The following SYT13 variants were observed in gnomAD, a reference collection of about 807,000 sequenced individuals.
SYT13 encodes synaptotagmin-13.
A neutral mutation model predicts 38.6 loss-of-function variants in SYT13; 21 were observed. That is an observed-to-expected ratio of 0.54 (90% CI 0.39 to 0.78). The LOEUF (loss-of-function observed/expected upper bound fraction) is 0.78, where lower values mean the gene tolerates loss of function less well. SYT13 is among the 30% of genes least tolerant of loss of function. The probability of loss-of-function intolerance (pLI) is 0.00; values close to 1 mark genes in which losing one functional copy is unlikely to be tolerated. For missense variants in SYT13, 495 were observed against 548.7 expected (o/e 0.90, Z 0.98); for synonymous variants, 241 against 237.6 (o/e 1.01, Z -0.13).
intron 3 of SYT13, among the ~76,000 whole-genome samples, chr11:45,253,698 C>T (rs1463196774): frequency 6.6e-6 from 1 of 152,166 alleles, no homozygotes; most frequent in Non-Finnish European, 1.5e-5. Flanking sequence ...TCTGACCATT[C>T]GGAACATGCT....
At chr11:45,272,636 A>T (rs79043853) in intron 1 of SYT13, among the ~76,000 whole-genome samples, 2,855 of 152,334 alleles carry the variant, frequency 0.019, 72 homozygotes, top group African/African-American at 0.059. Flanking sequence ...ACAATCAAAC[A>T]GTCTACAAAA....
intron 1 of SYT13, among the ~76,000 whole-genome samples, chr11:45,270,256 T>G (rs916402359): frequency 1.3e-5 from 2 of 152,234 alleles, no homozygotes; most frequent in African/African-American, 4.8e-5. Flanking sequence ...TTCTGTCAGA[T>G]AGGAACACAA....
rs1276290222 is a variant in SYT13, at chr11:45,246,501, T to A, written c.858A>T (p.Ala286=). 5.0e-6 allele frequency: 8 copies of A among 1,613,944 alleles called. 1 individual carries two copies. The Admixed American group carries it at 6.7e-5, about 13-fold the overall frequency. ...ELKTSAKEPS[A]GAGEVLLSIS... is the part of the protein sequence containing the mutation. ...TGGATAGTAGGACCTCTCCAGCTCC[T>A]GCAGATGGCTCCTGAAACAGAAAAG... is the stretch of plus-strand genomic sequence containing the variant. The change falls in exon 5 of 6, where the codon GCA becomes GCT. Residue 286 remains alanine (A), a synonymous_variant. Transcript: ENST00000020926.
intron 1 of SYT13, among the ~76,000 whole-genome samples, chr11:45,283,155 A>T (rs1855094192): frequency 6.6e-6 from 1 of 152,156 alleles, no homozygotes; most frequent in South Asian, 2.1e-4. Flanking sequence ...GTAAAAAATA[A>T]ACAAAACTCC....
At chr11:45,280,224 G>A (rs1165963372) in intron 1 of SYT13, among the ~76,000 whole-genome samples, 1 of 152,194 alleles carries the variant, frequency 6.6e-6, no homozygotes, top group Non-Finnish European at 1.5e-5. Flanking sequence ...CTAAGGAAGA[G>A]GAGAAGAGGT....
Position 45,286,154 on chromosome 11 carries a change from G to T in SYT13, c.54C>A (p.Thr18=). 6.3e-7 allele frequency: 1 copy of T among 1,590,916 alleles called. No individual in the cohort carries two copies. Among genetic ancestry groups the T allele is most frequent in the Non-Finnish European group, 8.5e-7 (1 of 1,171,694 alleles). ...TGACCCCGCACAACGCGAGGATGCT[G>T]GTGGCTGTGCCCAGCGTGGCGCCCA... ...IALGATLGTA[T]SILALCGVTC... The change falls in exon 1 of 6, where the codon ACC becomes ACA. Residue 18 remains threonine (T), a synonymous_variant. Transcript: ENST00000020926.
Position 45,286,011 on chromosome 11 carries a change from C to G in SYT13, c.183+14G>C, listed in dbSNP as rs1310160772. ...GCCTTGCCCGGGAAGGGCCTGCGCG[C>G]CGCCCCCGCTCACCTGTTGTGCAGA... On this transcript the variant is annotated intron_variant, in intron 1 of 5. Coordinates refer to ENST00000020926, the MANE Select transcript of SYT13 (RefSeq NM_020826.3). 1 of 1,601,124 alleles carries G rather than the reference C, an allele frequency of 6.2e-7. No individual in the cohort carries two copies. Among genetic ancestry groups the G allele is most frequent in the Non-Finnish European group, 8.5e-7 (1 of 1,178,190 alleles).
rs1186074397 is a variant in SYT13, at chr11:45,252,474, T to C, written c.793A>G (p.Thr265Ala). Residue 265 changes from threonine to alanine, a missense_variant, in exon 4 of 6, where the codon ACA becomes GCA. By Grantham distance (58) the Thr-to-Ala change is moderately conservative. Transcript: ENST00000020926. This position sits in a 1 kb window ranked among gnomAD's most constrained non-coding sequence, Gnocchi z 4.3. Reference protein sequence around the residue: ...AGELRLGLDGTSVPLGAAQWG... With the variant: ...AGELRLGLDGASVPLGAAQWG... ...TGGGCAGCCCCTAGAGGCACAGATG[T>C]CCCGTCCAGGCCCAGGCGGAGCTCC... is the stretch of plus-strand genomic sequence containing the variant. 1.2e-6 allele frequency: 2 copies of C among 1,612,344 alleles called. No individual in the cohort carries two copies. Among genetic ancestry groups the C allele is most frequent in the East Asian group, 4.5e-5 (2 of 44,848 alleles).
chr11:45,282,073 T>A (rs1008757223), intron 1 of SYT13, among the ~76,000 whole-genome samples: 2 of 152,132 alleles, frequency 1.3e-5, no homozygotes, highest in African/African-American at 4.8e-5. Flanking sequence ...CAGGAACCCA[T>A]GGGTCTGGCC....
chr11:45,269,491 T>C, intron 1 of SYT13: 1 of 1,287,042 alleles, frequency 7.8e-7, no homozygotes, highest in South Asian at 1.2e-5. Flanking sequence ...TCTGTAAACT[T>C]CATATGTAAC....
At chr11:45,261,658 A>G (rs961858618) in intron 1 of SYT13, among the ~76,000 whole-genome samples, 1 of 151,130 alleles carries the variant, frequency 6.6e-6, no homozygotes, top group South Asian at 2.1e-4. Context: ...ACTCATGCCT[A>G]TAATCCCAGC....
chr11:45,254,652 C>G (rs148315126), intron 2 of SYT13: 1 of 408,272 alleles, frequency 2.4e-6, no homozygotes, highest in East Asian at 4.0e-5. Flanking sequence ...ACAATCTACT[C>G]TCCCTGCTTT....
intron 1 of SYT13, among the ~76,000 whole-genome samples, chr11:45,285,369 A>T (rs559162754): frequency 6.6e-6 from 1 of 152,220 alleles, no homozygotes; most frequent in South Asian, 2.1e-4. Context: ...ATCTTGGGGG[A>T]GGCCATACCA....
At chr11:45,276,936 A>C (rs956501657) in intron 1 of SYT13, among the ~76,000 whole-genome samples, 1 of 152,184 alleles carries the variant, frequency 6.6e-6, no homozygotes, top group African/African-American at 2.4e-5. Context: ...AGTTACTCAA[A>C]TATTTCTACA....
intron 1 of SYT13, among the ~76,000 whole-genome samples, chr11:45,264,089 C>T (rs999853932): frequency 6.6e-6 from 1 of 152,114 alleles, no homozygotes; most frequent in African/African-American, 2.4e-5. Context: ...TACTTTTTTA[C>T]TCATTTGTGA....
intron 4 of SYT13, among the ~76,000 whole-genome samples, chr11:45,248,317 G>T (rs1404404504): frequency 6.6e-6 from 1 of 152,214 alleles, no homozygotes; most frequent in African/African-American, 2.4e-5. Flanking sequence ...TGCAACTCCA[G>T]CACCTGGGAC....
chr11:45,257,733 A>G (rs1854766156), intron 1 of SYT13, among the ~76,000 whole-genome samples: 1 of 152,204 alleles, frequency 6.6e-6, no homozygotes, highest in Non-Finnish European at 1.5e-5. Context: ...GACCTAGGTG[A>G]CAGGGGCATT....
At chr11:45,284,829 A>C (rs1411908589) in intron 1 of SYT13, among the ~76,000 whole-genome samples, 1 of 152,212 alleles carries the variant, frequency 6.6e-6, no homozygotes, top group Non-Finnish European at 1.5e-5. Context: ...CCCAAGTCCC[A>C]CATTCTGCTG....
At chr11:45,283,580 C>A (rs966701784) in intron 1 of SYT13, among the ~76,000 whole-genome samples, 1 of 152,220 alleles carries the variant, frequency 6.6e-6, no homozygotes, top group African/African-American at 2.4e-5. Context: ...AGAACAACAG[C>A]AACCAAGTCA....
Sources: gnomAD v4.1 joint callset for allele counts (sites outside exome capture counted in the v4.1 genomes callset) on GRCh38, gnomAD v4.1.1 for gene constraint, Gnocchi (gnomAD v3.1) non-coding constraint, MANE v1.5 for transcripts, NCBI Gene and HGNC (gene_info 2026-07-23, HGNC 2026-07-21) for gene names.